PEBP4: variants seen among roughly 807,000 people sequenced by gnomAD.
PEBP4 encodes the protein phosphatidylethanolamine binding protein 4, also known as phosphatidylethanolamine-binding protein 4.
A neutral mutation model predicts 23.9 loss-of-function variants in PEBP4; 22 were observed. The ratio of observed to expected loss-of-function variants is 0.92; its 90% confidence interval spans 0.66 to 1.31. PEBP4 has a LOEUF of 1.31. Among genes scored for constraint, PEBP4 ranks in the 40% most tolerant of loss-of-function variants. The pLI, the probability that PEBP4 is intolerant of heterozygous loss-of-function variation, is 0.00. For synonymous variants in PEBP4, 112 were observed against 99.3 expected, an observed-to-expected ratio of 1.13 and a Z score of -0.76; for missense variants, 324 against 281.7, an observed-to-expected ratio of 1.15 and a Z score of -1.07.
chr8:22,822,525 TTTCTTC>T (rs776104417), intron 3 of PEBP4, among the ~76,000 whole-genome samples: 1 of 152,116 alleles, frequency 6.6e-6, no homozygotes, highest in South Asian at 2.1e-4. Flanking sequence ...TCTCTTTTCC[TTTCTTC>T]TTCTTCTTCT....
At chr8:22,818,772 G>A (rs901626865) in intron 3 of PEBP4, among the ~76,000 whole-genome samples, 1 of 152,198 alleles carries the variant, frequency 6.6e-6, no homozygotes, top group Non-Finnish European at 1.5e-5. Context: ...GGTATCTTGG[G>A]CTAGGATGGC....
chr8:22,853,486 T>C (rs1032273613), intron 3 of PEBP4, among the ~76,000 whole-genome samples: 2 of 152,254 alleles, frequency 1.3e-5, no homozygotes, highest in African/African-American at 4.8e-5. Context: ...GCTTAATATC[T>C]ATTAGCTCAA....
intron 4 of PEBP4, among the ~76,000 whole-genome samples, chr8:22,802,520 C>G (rs192430995): frequency 1.3e-5 from 2 of 152,246 alleles, no homozygotes; most frequent in African/African-American, 2.4e-5. Flanking sequence ...TGTAGCTGAG[C>G]TTTGCAACAC....
intron 6 of PEBP4, among the ~76,000 whole-genome samples, chr8:22,717,716 C>T (rs1197613184): frequency 6.6e-6 from 1 of 152,172 alleles, no homozygotes; most frequent in Non-Finnish European, 1.5e-5. Flanking sequence ...CTGTATCTAC[C>T]CAAGGTGATC....
At chr8:22,861,721 T>C (rs906924390) in intron 3 of PEBP4, among the ~76,000 whole-genome samples, 5 of 152,194 alleles carry the variant, frequency 3.3e-5, no homozygotes, top group Admixed American at 6.5e-5. Flanking sequence ...TGAATTTCCT[T>C]AGGTCCAAAG....
intron 3 of PEBP4, among the ~76,000 whole-genome samples, chr8:22,849,636 T>A (rs1807510770): frequency 6.6e-6 from 1 of 152,192 alleles, no homozygotes; most frequent in African/African-American, 2.4e-5. Flanking sequence ...GTGATTCATG[T>A]CCCCAGTGCT....
In PEBP4 at chr8:22,874,418, C is replaced by T. The variant is rs571011944; in HGVS notation, c.258+45766G>A. Among the ~76,000 whole-genome samples the T allele has an allele frequency of 1.4e-3, 213 of 152,276 alleles. 1 individual carries two copies. The highest frequency in any genetic ancestry group is 2.1e-3 in the Non-Finnish European group (145 of 68,012). On this transcript the variant is annotated intron_variant, in intron 3 of 6. Coordinates refer to ENST00000256404, the MANE Select transcript of PEBP4 (RefSeq NM_144962.3). ...ATTAAATTGGAAGATGAATGTTTCT[C>T]AGTTCAGTTAACTGCATCCGTTAAA...
At chr8:22,928,861 C>CTGTA (rs1188320351), upstream of PEBP4, among the ~76,000 whole-genome samples, 1 of 152,194 alleles carries the variant, frequency 6.6e-6, no homozygotes, top group African/African-American at 2.4e-5. Context: ...GTAAAGTACA[C>CTGTA]GCAGCTAGAC....
intron 3 of PEBP4, among the ~76,000 whole-genome samples, chr8:22,839,662 C>A (rs1395099713): frequency 6.6e-6 from 1 of 152,170 alleles, no homozygotes; most frequent in African/African-American, 2.4e-5. Context: ...AGGGTTGAAG[C>A]CTCTGGTTTC....
intron 4 of PEBP4, among the ~76,000 whole-genome samples, chr8:22,781,613 C>A (rs191208915): frequency 6.6e-6 from 1 of 152,262 alleles, no homozygotes; most frequent in African/African-American, 2.4e-5. Flanking sequence ...TTCCCTCCCC[C>A]TGTACCCAGG....
intron 3 of PEBP4, among the ~76,000 whole-genome samples, chr8:22,856,434 G>A (rs938909642): frequency 1.1e-4 from 16 of 152,154 alleles, no homozygotes; most frequent in Non-Finnish European, 2.1e-4. Context: ...ACCTTGAAAA[G>A]GGCTGAGAGA....
chr8:22,792,636 A>G (rs914352117), intron 4 of PEBP4, among the ~76,000 whole-genome samples: 2 of 152,114 alleles, frequency 1.3e-5, no homozygotes, highest in African/African-American at 4.8e-5. Flanking sequence ...TTTGATAGGT[A>G]GCAAATTTCG....
rs185612476 is a variant in PEBP4, at chr8:22,738,292, A to G, written c.358-11072T>C. On this transcript the variant is annotated intron_variant, in intron 4 of 6. Transcript: ENST00000256404. The stretch of plus-strand genomic sequence containing the variant: ...TGAAGACACATGATCCCACAGACAG[A>G]CACAGGCGGGCTCGGCTCAGGAGAG... 2.7e-3 allele frequency among the ~76,000 whole-genome samples: 410 copies of G among 152,234 alleles called. 2 individuals are homozygous for G. The highest frequency in any genetic ancestry group is 3.4e-3 in the Non-Finnish European group (233 of 68,004).
intron 6 of PEBP4, among the ~76,000 whole-genome samples, chr8:22,718,113 T>TG (rs1474334146): frequency 1.3e-5 from 2 of 151,758 alleles, no homozygotes; most frequent in South Asian, 4.2e-4. Context: ...TTTCGGGTAG[T>TG]GGGGGGCACT....
intron 4 of PEBP4, among the ~76,000 whole-genome samples, chr8:22,784,593 A>C (rs918374361): frequency 3.9e-5 from 6 of 152,202 alleles, no homozygotes; most frequent in Non-Finnish European, 8.8e-5. Flanking sequence ...CGGGAGCCTG[A>C]TTTAGCGCAC....
At chr8:22,774,037 T>C (rs1470318003) in intron 4 of PEBP4, among the ~76,000 whole-genome samples, 2 of 152,106 alleles carry the variant, frequency 1.3e-5, no homozygotes, top group African/African-American at 2.4e-5. Flanking sequence ...TCTCTTCAAC[T>C]ATAAAACGGG....
intron 6 of PEBP4, 102 bp downstream of exon 6, chr8:22,724,741 A>C (rs1804588156): frequency 1.2e-6 from 1 of 841,446 alleles, no homozygotes; most frequent in Non-Finnish European, 2.0e-6. Context: ...TCCAAGGCTC[A>C]TGAGTGGGGG....
At chr8:22,812,470 A>T (rs988968748) in intron 4 of PEBP4, among the ~76,000 whole-genome samples, 5 of 152,180 alleles carry the variant, frequency 3.3e-5, no homozygotes, top group Non-Finnish European at 5.9e-5. Context: ...CTCCATCAGC[A>T]AGCACTCTTT....
chr8:22,748,530 T>TA (rs1317298159), intron 4 of PEBP4, among the ~76,000 whole-genome samples: 6 of 151,388 alleles, frequency 4.0e-5, no homozygotes, highest in Admixed American at 2.6e-4. Context: ...CAGGGTCAAG[T>TA]CCTTAGGCTC....
Sources: allele counts gnomAD v4.1 joint callset (sites outside exome capture counted in the v4.1 genomes callset), GRCh38; gene constraint gnomAD v4.1.1; transcripts MANE v1.5; gene names NCBI Gene and HGNC (gene_info 2026-07-23, HGNC 2026-07-21).